ZNF385D: variants seen among roughly 807,000 people sequenced by gnomAD.
ZNF385D encodes zinc finger protein 385D, also known as zinc finger protein 659.
Under a neutral mutation model 35.8 loss-of-function variants are expected in ZNF385D, and 15 were observed. The observed-to-expected ratio is 0.42, with a 90% CI of 0.28 to 0.64. The LOEUF (loss-of-function observed/expected upper bound fraction) is 0.64. ZNF385D is among the 30% of genes least tolerant of loss of function. The pLI, the probability that ZNF385D is intolerant of heterozygous loss-of-function variation, is 0.23. For missense variants in ZNF385D, 474 were observed against 494.6 expected (o/e 0.96, Z 0.39); for synonymous variants, 212 against 186.8 (o/e 1.13, Z -1.10).
chr3:21,619,612 T>C (rs2125810108), intron 2 of ZNF385D, among the ~76,000 whole-genome samples: 1 of 152,282 alleles, frequency 6.6e-6, no homozygotes, highest in African/African-American at 2.4e-5. Context: ...AGAGAGACTC[T>C]TCCGTTAGAA....
At chr3:21,702,177 C>A (rs955490371) in intron 1 of ZNF385D, among the ~76,000 whole-genome samples, 1 of 152,216 alleles carries the variant, frequency 6.6e-6, no homozygotes, top group African/African-American at 2.4e-5. Flanking sequence ...AAACTTTTGC[C>A]TGGGCATCCA....
chr3:21,654,393 G>T (rs1051289293), intron 2 of ZNF385D, among the ~76,000 whole-genome samples: 1 of 152,092 alleles, frequency 6.6e-6, no homozygotes, highest in Non-Finnish European at 1.5e-5. Flanking sequence ...ATGAGCTTCA[G>T]AGAGAACCAT....
At chr3:22,287,991 C>T (rs1219328944) in intron 2 of ZNF385D, among the ~76,000 whole-genome samples, 2 of 152,004 alleles carry the variant, frequency 1.3e-5, no homozygotes, top group East Asian at 1.9e-4. Context: ...TCTGTATCAT[C>T]TCTTCATCTT....
At chr3:22,017,056 A>G (rs1696932799) in intron 3 of ZNF385D, among the ~76,000 whole-genome samples, 2 of 152,138 alleles carry the variant, frequency 1.3e-5, no homozygotes, top group Admixed American at 6.6e-5. Context: ...AATTTTTCAA[A>G]TGTTATGTTA....
chr3:22,234,721 G>A (rs540451332), intron 2 of ZNF385D, among the ~76,000 whole-genome samples: 2 of 152,038 alleles, frequency 1.3e-5, no homozygotes, highest in South Asian at 4.2e-4. Context: ...TTGTATTGTA[G>A]TGATTGGAAT....
chr3:21,655,123 C>T (rs2066036046), intron 2 of ZNF385D, among the ~76,000 whole-genome samples: 1 of 151,882 alleles, frequency 6.6e-6, no homozygotes, highest in Non-Finnish European at 1.5e-5. Flanking sequence ...ACAACAACAA[C>T]AACAACAAAA....
intron 2 of ZNF385D, among the ~76,000 whole-genome samples, chr3:22,184,655 G>C (rs762213239): frequency 6.6e-6 from 1 of 152,112 alleles, no homozygotes; most frequent in Non-Finnish European, 1.5e-5. Flanking sequence ...GTGAAACCCT[G>C]TCTCTACTTA....
intron 2 of ZNF385D, among the ~76,000 whole-genome samples, chr3:22,197,069 G>C (rs556401398): frequency 6.6e-6 from 1 of 151,948 alleles, no homozygotes; most frequent in Non-Finnish European, 1.5e-5. Flanking sequence ...TGAAAAGTCA[G>C]CTTTCACATA....
At chr3:22,222,296 A>C (rs2638140) in intron 2 of ZNF385D, among the ~76,000 whole-genome samples, 132,837 of 151,910 alleles carry the variant, frequency 0.87, 58,406 homozygotes, top group East Asian at 0.98. Context: ...GCCATAAAAA[A>C]CACATAGTCT....
In ZNF385D at chr3:22,269,700, T is replaced by C. The variant is rs145340411; in HGVS notation, c.107-100665A>G. Among the ~76,000 whole-genome samples, 511 of 151,992 alleles carry C rather than the reference T, an allele frequency of 3.4e-3. 9 individuals carry two copies. The highest frequency in any genetic ancestry group is 0.011 in the African/African-American group (457 of 41,514). On this transcript the variant is annotated intron_variant, in intron 2 of 5. Coordinates refer to the ZNF385D transcript ENST00000494108. ...CCAGGTCTTTAAATACAAAATATAA[T>C]TGATCATTCTCTTTTTTTGGGGGGA... is the stretch of plus-strand genomic sequence containing the variant.
At chr3:22,341,169 C>G (rs1380279433) in intron 2 of ZNF385D, among the ~76,000 whole-genome samples, 1 of 152,102 alleles carries the variant, frequency 6.6e-6, no homozygotes, top group Non-Finnish European at 1.5e-5. Flanking sequence ...TCAATACCTA[C>G]AAAAAACGAG....
At chr3:21,691,651 T>A (rs907236057) in intron 1 of ZNF385D, among the ~76,000 whole-genome samples, 1 of 152,224 alleles carries the variant, frequency 6.6e-6, no homozygotes, top group African/African-American at 2.4e-5. Flanking sequence ...TCATCATTGC[T>A]ATAAAACTGC....
intron 2 of ZNF385D, among the ~76,000 whole-genome samples, chr3:22,183,036 AAAG>A (rs1372633581): frequency 6.6e-6 from 1 of 152,150 alleles, no homozygotes; most frequent in Admixed American, 6.6e-5. Flanking sequence ...TTAGACCTGA[AAAG>A]GAGGCAAGGA....
chr3:22,203,599 C>T (rs1161594645), intron 2 of ZNF385D, among the ~76,000 whole-genome samples: 2 of 152,052 alleles, frequency 1.3e-5, no homozygotes, highest in Admixed American at 6.6e-5. Context: ...TTTGTGGACC[C>T]ATCATGGGCC....
chr3:22,037,879 G>C (rs915463710), intron 3 of ZNF385D, among the ~76,000 whole-genome samples: 2 of 152,040 alleles, frequency 1.3e-5, no homozygotes, highest in South Asian at 2.1e-4. Context: ...CCAAAACAGA[G>C]ATATAGACCA....
At chr3:21,508,381 T>G (rs1706946545) in intron 4 of ZNF385D, among the ~76,000 whole-genome samples, 1 of 152,046 alleles carries the variant, frequency 6.6e-6, no homozygotes, top group Admixed American at 6.6e-5. Flanking sequence ...AGGGGTGGGG[T>G]GGGGGTGTTA....
chr3:21,859,836 C>T (rs1396880282), intron 3 of ZNF385D, among the ~76,000 whole-genome samples: 1 of 151,896 alleles, frequency 6.6e-6, no homozygotes, highest in East Asian at 1.9e-4. Flanking sequence ...CCATTTGAAG[C>T]CCAAAGTGTA....
At chr3:22,034,080 C>T (rs760422016) in intron 3 of ZNF385D, among the ~76,000 whole-genome samples, 4 of 152,144 alleles carry the variant, frequency 2.6e-5, no homozygotes, top group Admixed American at 2.6e-4. Flanking sequence ...CAGGATAGTA[C>T]ATTATATTAA....
intron 2 of ZNF385D, among the ~76,000 whole-genome samples, chr3:22,356,623 G>A (rs547592830): frequency 1.3e-5 from 2 of 151,916 alleles, no homozygotes; most frequent in African/African-American, 2.4e-5. Context: ...AGTACTGTAC[G>A]AATATTAGAT....
Sources: gnomAD v4.1 joint callset for allele counts (sites outside exome capture counted in the v4.1 genomes callset) on GRCh38, gnomAD v4.1.1 for gene constraint, MANE v1.5 for transcripts, NCBI Gene and HGNC (gene_info 2026-07-23, HGNC 2026-07-21) for gene names.